The following CYP7B1 variants were observed in gnomAD, a reference collection of about 807,000 sequenced individuals.
The protein encoded by CYP7B1 is cytochrome P450 family 7 subfamily B member 1, also known as cytochrome P450 7B1.
In CYP7B1, 29 loss-of-function variants were observed where a neutral mutation model predicts 42.7. The ratio of observed to expected loss-of-function variants is 0.68; its 90% confidence interval spans 0.51 to 0.93. CYP7B1 has a LOEUF of 0.93. CYP7B1 is among the 40% of genes least tolerant of loss of function. The pLI is 0.00. For synonymous variants in CYP7B1, 235 were observed against 218.2 expected, an observed-to-expected ratio of 1.08 and a Z score of -0.68; for missense variants, 655 against 600.5, an observed-to-expected ratio of 1.09 and a Z score of -0.95.
At chr8:64,663,954 G>A (rs1028542572) in intron 1 of CYP7B1, among the ~76,000 whole-genome samples, 3 of 151,996 alleles carry the variant, frequency 2.0e-5, no homozygotes, top group East Asian at 1.9e-4. Flanking sequence ...TGTGGTAGAC[G>A]AAAAAAATGG....
At chr8:64,701,843 T>C (rs1199140415) in intron 1 of CYP7B1, among the ~76,000 whole-genome samples, 1 of 152,086 alleles carries the variant, frequency 6.6e-6, no homozygotes, top group Non-Finnish European at 1.5e-5. Flanking sequence ...ACTCCAGTTA[T>C]CTTGACTAGA....
rs1805435221 is a variant in CYP7B1 at position 64,615,897 on chromosome 8, T to A, written c.644A>T (p.Asp215Val). The change falls in exon 3 of 6, where the codon GAT becomes GTT. Residue 215 changes from aspartate to valine, a missense_variant. Physicochemically the swap from Asp to Val is radical, Grantham distance 152. Coordinates refer to ENST00000310193, the MANE Select transcript of CYP7B1 (RefSeq NM_004820.5). ...NNKFISELRD[D>V]FLKFDDKFAY... Reference sequence around the variant, plus strand: ...AAACTTGTCATCAAATTTTAAAAAATCATCTCTTAGCTCACTAATAAATTT... The same window carrying A: ...AAACTTGTCATCAAATTTTAAAAAAACATCTCTTAGCTCACTAATAAATTT... The A allele has an allele frequency of 6.2e-7, 1 of 1,613,538 alleles. No homozygotes were observed. The highest frequency in any genetic ancestry group is 1.3e-5 in the African/African-American group (1 of 74,898).
chr8:64,607,583 A>G (rs1449191724), intron 4 of CYP7B1, among the ~76,000 whole-genome samples: 1 of 152,198 alleles, frequency 6.6e-6, no homozygotes, highest in South Asian at 2.1e-4. Flanking sequence ...GCCTGCCACC[A>G]GCTTGTGATA....
chr8:64,681,167 G>A (rs62521092), intron 1 of CYP7B1, among the ~76,000 whole-genome samples: 3,399 of 152,300 alleles, frequency 0.022, 50 homozygotes, highest in Non-Finnish European at 0.035. Flanking sequence ...TCTATGAAAA[G>A]ATAATTAGAT....
intron 2 of CYP7B1, among the ~76,000 whole-genome samples, chr8:64,623,581 T>G (rs1805562492): frequency 6.6e-6 from 1 of 152,222 alleles, no homozygotes. Context: ...TTAAAAAATG[T>G]TGTGAACTAG....
chr8:64,764,229 G>GCTCCCCC (rs1554539986), intron 1 of CYP7B1, among the ~76,000 whole-genome samples: 3 of 125,150 alleles, frequency 2.4e-5, no homozygotes, highest in African/African-American at 9.2e-5. Flanking sequence ...CTTCCACGCT[G>GCTCCCCC]CCCCCCCCAC....
At chr8:64,658,225 T>C (rs1385155948) in intron 1 of CYP7B1, among the ~76,000 whole-genome samples, 1 of 152,192 alleles carries the variant, frequency 6.6e-6, no homozygotes, top group African/African-American at 2.4e-5. Flanking sequence ...ATTATCTTAA[T>C]AATCAATGAA....
chr8:64,669,375 C>A (rs955278192), intron 1 of CYP7B1, among the ~76,000 whole-genome samples: 1 of 151,834 alleles, frequency 6.6e-6, no homozygotes, highest in Non-Finnish European at 1.5e-5. Context: ...CATGTATGTA[C>A]AAAATAAATG....
intron 1 of CYP7B1, among the ~76,000 whole-genome samples, chr8:64,793,376 A>G (rs756011910): frequency 1.3e-5 from 2 of 151,798 alleles, no homozygotes; most frequent in East Asian, 3.9e-4. Context: ...CAGAAAAACT[A>G]TTTTTTTTCA....
chr8:64,593,301 G>A lies in CYP7B1; in HGVS notation c.*3341C>T, dbSNP rs1805066759. ...TGTGTGTGTGTAATCCAAGGCCTTT[G>A]CATAAAGCCAAGAACTTGCAAAGAC... On this transcript the variant is annotated 3_prime_UTR_variant, in exon 6 of 6. Transcript: ENST00000310193. Among the ~76,000 whole-genome samples, 1 of 143,616 alleles carries A rather than the reference G, an allele frequency of 7.0e-6. No homozygotes were observed. Among genetic ancestry groups the A allele is most frequent in the South Asian group, 2.3e-4 (1 of 4,302 alleles). The allele number at this position is 143,616 out of a possible 152,430, so 94.2% of individuals were successfully genotyped here.
intron 1 of CYP7B1, among the ~76,000 whole-genome samples, chr8:64,764,707 G>C (rs1348313760): frequency 2.0e-5 from 3 of 152,126 alleles, no homozygotes; most frequent in Non-Finnish European, 4.4e-5. Context: ...ACAGAAGAAA[G>C]TAGAAAAATA....
At chr8:64,601,075 C>G (rs538218800) in intron 5 of CYP7B1, among the ~76,000 whole-genome samples, 2 of 152,162 alleles carry the variant, frequency 1.3e-5, no homozygotes, top group Non-Finnish European at 2.9e-5. Flanking sequence ...ATTGAGAGTA[C>G]TTCTTTATCT....
chr8:64,751,700 C>A (rs1319437934), intron 1 of CYP7B1, among the ~76,000 whole-genome samples: 1 of 152,120 alleles, frequency 6.6e-6, no homozygotes, highest in African/African-American at 2.4e-5. Flanking sequence ...AAGCAATATA[C>A]TATGCAACTG....
At chr8:64,587,064 G>T (rs1484497155), downstream of CYP7B1, among the ~76,000 whole-genome samples, 2 of 152,252 alleles carry the variant, frequency 1.3e-5, no homozygotes, top group South Asian at 2.1e-4. Flanking sequence ...TAGAACCAAG[G>T]TTCCAGTAAA....
At chr8:64,645,757 AG>A (rs1277023834) in intron 1 of CYP7B1, among the ~76,000 whole-genome samples, 3 of 152,196 alleles carry the variant, frequency 2.0e-5, no homozygotes, top group African/African-American at 7.2e-5. Context: ...CTAAGCCAAA[AG>A]AACAAAGCTG....
intron 2 of CYP7B1, among the ~76,000 whole-genome samples, chr8:64,616,597 C>T (rs960967226): frequency 3.3e-5 from 5 of 152,108 alleles, no homozygotes; most frequent in East Asian, 3.9e-4. Flanking sequence ...CTCATAATCC[C>T]CTGACTTAAA....
chr8:64,597,162 TC>T (rs1204062934), intron 5 of CYP7B1, among the ~76,000 whole-genome samples: 48 of 152,210 alleles, frequency 3.2e-4, no homozygotes, highest in Non-Finnish European at 4.7e-4. Flanking sequence ...TGACTTTTTT[TC>T]TCCACTTGTA....
At chr8:64,672,702 T>C (rs903730726) in intron 1 of CYP7B1, among the ~76,000 whole-genome samples, 55 of 152,226 alleles carry the variant, frequency 3.6e-4, no homozygotes, top group African/African-American at 1.3e-3. Flanking sequence ...AGTAACCACT[T>C]CAGATGGTGT....
At chr8:64,675,459 A>T (rs1175882978) in intron 1 of CYP7B1, among the ~76,000 whole-genome samples, 6 of 150,576 alleles carry the variant, frequency 4.0e-5, no homozygotes, top group African/African-American at 1.5e-4. Flanking sequence ...ATTATTTATT[A>T]ATTTTATTTT....
Sources: allele counts gnomAD v4.1 joint callset (sites outside exome capture counted in the v4.1 genomes callset), GRCh38; gene constraint gnomAD v4.1.1; transcripts MANE v1.5; gene names NCBI Gene and HGNC (gene_info 2026-07-23, HGNC 2026-07-21).